PCCA: variants seen among roughly 807,000 people sequenced by gnomAD.
PCCA encodes the protein propionyl-CoA carboxylase subunit alpha, also known as propionyl-CoA carboxylase alpha chain, mitochondrial.
Under a neutral mutation model 101.3 loss-of-function variants are expected in PCCA, and 74 were observed. The ratio of observed to expected loss-of-function variants is 0.73; its 90% CI spans 0.61 to 0.89. PCCA has a LOEUF of 0.89. PCCA is among the 40% of genes least tolerant of loss of function. PCCA has a pLI of 0.00. For missense variants in PCCA, 891 were observed against 907.0 expected (o/e 0.98, Z 0.23); for synonymous variants, 294 against 313.6 (o/e 0.94, Z 0.66).
intron 21 of PCCA, chr13:100,477,523 T>A (rs2083506320): frequency 6.6e-6 from 1 of 152,234 alleles, no homozygotes. Context: ...ATTCGGGTAG[T>A]GCAGGTGAGA....
At chr13:100,206,368 G>A (rs2058852124) in intron 6 of PCCA, among the ~76,000 whole-genome samples, 1 of 152,120 alleles carries the variant, frequency 6.6e-6, no homozygotes, top group South Asian at 2.1e-4. Flanking sequence ...CCAGGTTCAA[G>A]CAATTCTCCT....
At chr13:100,475,886 CT>C in intron 21 of PCCA, among the ~76,000 whole-genome samples, 1 of 152,230 alleles carries the variant, frequency 6.6e-6, no homozygotes, top group East Asian at 1.9e-4. Flanking sequence ...TAGTATTCTG[CT>C]TTCTTCCCTA....
intron 12 of PCCA, among the ~76,000 whole-genome samples, chr13:100,292,270 A>G (rs1447466088): frequency 4.6e-5 from 7 of 152,216 alleles, no homozygotes; most frequent in Admixed American, 2.0e-4. Context: ...GACTCATTTA[A>G]TCATTGTTTT....
At chr13:100,435,601 G>C (rs2079871726) in intron 20 of PCCA, among the ~76,000 whole-genome samples, 1 of 152,192 alleles carries the variant, frequency 6.6e-6, no homozygotes, top group Admixed American at 6.5e-5. Flanking sequence ...TTAAAAGTAA[G>C]TTGTATTTTG....
chr13:100,180,508 C>A (rs1258524085), intron 6 of PCCA, among the ~76,000 whole-genome samples: 1 of 152,100 alleles, frequency 6.6e-6, no homozygotes, highest in African/African-American at 2.4e-5. Flanking sequence ...GAAAAACAGC[C>A]CCATAAGACA....
chr13:100,231,397 T>C (rs902844842), intron 7 of PCCA, among the ~76,000 whole-genome samples: 4 of 151,738 alleles, frequency 2.6e-5, no homozygotes, highest in Non-Finnish European at 4.4e-5. Context: ...CAGGGTAAGA[T>C]GCAAGATGAA....
chr13:100,223,698 C>A (rs1209199241), intron 7 of PCCA, among the ~76,000 whole-genome samples: 1 of 152,136 alleles, frequency 6.6e-6, no homozygotes, highest in Non-Finnish European at 1.5e-5. Flanking sequence ...CCACATCCTG[C>A]TGATTGGTAG....
rs539313323 is a variant in PCCA, at chr13:100,458,420, C to T, written c.1899+9115C>T. ...TACACACAGTGGGACCCCATCTCTGCGCGCACACACACACACACATACACA... is the reference window on the plus strand; with the variant it reads ...TACACACAGTGGGACCCCATCTCTGTGCGCACACACACACACACATACACA... On this transcript the variant is annotated intron_variant, in intron 21 of 23. Transcript: ENST00000376285. Among the ~76,000 whole-genome samples the T allele has an allele frequency of 5.9e-3, 621 of 106,140 alleles. 14 individuals are homozygous for T. The highest frequency in any genetic ancestry group is 0.026 in the African/African-American group (567 of 21,908). The allele number at this position is 106,140 out of a possible 152,430, so 69.6% of individuals were successfully genotyped here. A position where few individuals can be genotyped will look rare whatever the true frequency, so the allele number is the denominator to read the frequency against.
Position 100,410,009 on chromosome 13 carries a change from C to T in PCCA, c.1747-15624C>T, listed in dbSNP as rs555356427. Among the ~76,000 whole-genome samples, 14 of 152,114 alleles carry T rather than the reference C, an allele frequency of 9.2e-5. No individual in the cohort carries two copies. In the East Asian group the frequency reaches 2.7e-3, roughly 30 times the overall value. ...TCCTGACCTCAAGTGATCCACCCAC[C>T]TCAGCCTCCCAAAGTGCTGGGATTA... is the stretch of plus-strand genomic sequence containing the variant. On this transcript the variant is annotated intron_variant, in intron 19 of 23. Transcript: ENST00000376285.
chr13:100,162,381 G>A (rs1045441285), intron 6 of PCCA, among the ~76,000 whole-genome samples: 1 of 149,866 alleles, frequency 6.7e-6, no homozygotes, highest in Admixed American at 6.7e-5. Context: ...TTAAATAAAT[G>A]CCTTGTCCAG....
At chr13:100,325,877 C>CCT (rs886444338) in intron 16 of PCCA, among the ~76,000 whole-genome samples, 11 of 152,252 alleles carry the variant, frequency 7.2e-5, no homozygotes, top group Admixed American at 7.2e-4. Flanking sequence ...GCCCCAGCCA[C>CCT]CCAGAACACA....
At chr13:100,492,258 C>A (rs1596158536) in intron 21 of PCCA, among the ~76,000 whole-genome samples, 1 of 152,188 alleles carries the variant, frequency 6.6e-6, no homozygotes, top group East Asian at 1.9e-4. Flanking sequence ...CCCCTGCCTC[C>A]CGAGTAGCTG....
chr13:100,338,419 T>C (rs2070819882), intron 17 of PCCA, among the ~76,000 whole-genome samples: 2 of 152,254 alleles, frequency 1.3e-5, no homozygotes, highest in Non-Finnish European at 2.9e-5. Flanking sequence ...CAGTATACTC[T>C]TGAGAAAATG....
intron 7 of PCCA, among the ~76,000 whole-genome samples, chr13:100,211,207 C>T (rs973248385): frequency 6.6e-6 from 1 of 152,200 alleles, no homozygotes; most frequent in Non-Finnish European, 1.5e-5. Context: ...GGGAAAGAAA[C>T]AAACATTTCT....
intron 21 of PCCA, chr13:100,491,552 T>C (rs2084909134): frequency 2.0e-5 from 11 of 554,108 alleles, no homozygotes; most frequent in South Asian, 1.9e-4. Context: ...AAGTACTGAC[T>C]CACTGCAAAC....
chr13:100,161,175 G>A (rs934955393), intron 6 of PCCA: 1 of 152,158 alleles, frequency 6.6e-6, no homozygotes, highest in Non-Finnish European at 1.5e-5. Context: ...AATAGCCACT[G>A]GGTTAACCAA....
At chr13:100,514,821 A>G (rs1282345490) in intron 21 of PCCA, among the ~76,000 whole-genome samples, 1 of 152,256 alleles carries the variant, frequency 6.6e-6, no homozygotes, top group Non-Finnish European at 1.5e-5. Context: ...ATCTTGTTAC[A>G]TCAGAAAGAC....
intron 8 of PCCA, among the ~76,000 whole-genome samples, chr13:100,241,034 G>C (rs1199154247): frequency 4.0e-5 from 6 of 151,872 alleles, no homozygotes; most frequent in African/African-American, 1.5e-4. Context: ...CCTACCCCCT[G>C]GCCTGCAGGT....
intron 8 of PCCA, among the ~76,000 whole-genome samples, chr13:100,244,943 G>GTA (rs2061350508): frequency 7.9e-6 from 1 of 127,076 alleles, no homozygotes; most frequent in African/African-American, 2.9e-5. Flanking sequence ...GTGTGTGTGT[G>GTA]TGTGTGTGTG....
Sources: gnomAD v4.1 joint callset for allele counts (sites outside exome capture counted in the v4.1 genomes callset) on GRCh38, gnomAD v4.1.1 for gene constraint, MANE v1.5 for transcripts, NCBI Gene and HGNC (gene_info 2026-07-23, HGNC 2026-07-21) for gene names.